The following ALMS1 variants were observed in gnomAD, a reference collection of about 807,000 sequenced individuals.
ALMS1 encodes the protein centrosome-associated protein ALMS1.
ALMS1 carries 271 observed loss-of-function variants against 352.2 expected under a neutral mutation model. The ratio of observed to expected loss-of-function variants is 0.77; its 90% CI spans 0.70 to 0.85. The LOEUF is 0.85. Ranked by LOEUF, ALMS1 falls within the 40% of genes least tolerant of loss-of-function variation. The probability of loss-of-function intolerance (pLI) is 0.00; values close to 1 mark genes in which losing one functional copy is unlikely to be tolerated. For synonymous variants in ALMS1, 1,865 were observed against 1,761.2 expected, an observed-to-expected ratio of 1.06 and a Z score of -1.48; for missense variants, 5,445 against 4,870.7, an observed-to-expected ratio of 1.12 and a Z score of -3.51.
intron 9 of ALMS1, among the ~76,000 whole-genome samples, chr2:73,473,015 G>A (rs1015154089): frequency 2.6e-5 from 4 of 152,008 alleles, no homozygotes; most frequent in South Asian, 2.1e-4. Context: ...AAGGAGATAC[G>A]GGGTGGTATA....
At chr2:73,488,508 T>C (rs563034734) in intron 9 of ALMS1, among the ~76,000 whole-genome samples, 58 of 152,234 alleles carry the variant, frequency 3.8e-4, no homozygotes, top group African/African-American at 1.3e-3. Context: ...CAGCTGTGAC[T>C]GGGCAGCTGC....
Position 73,453,679 on chromosome 2 carries a change from C to T in ALMS1, c.7152C>T (p.Ala2384=). The T allele has an allele frequency of 6.2e-7, 1 of 1,614,066 alleles. No homozygotes were observed. Among genetic ancestry groups the T allele is most frequent in the Non-Finnish European group, 8.5e-7 (1 of 1,180,006 alleles). The change falls in exon 8 of 23, where the codon GCC becomes GCT. Residue 2384 remains alanine, a synonymous_variant. Coordinates refer to ENST00000613296, the MANE Select transcript of ALMS1 (RefSeq NM_001378454.1). Reference sequence around the variant, plus strand: ...AAACTCTTAGGCAATATCAAGCAGCCAAATCTGTAATGAGGTCTGAACCTG... The same window carrying T: ...AAACTCTTAGGCAATATCAAGCAGCTAAATCTGTAATGAGGTCTGAACCTG... ...LEETLRQYQA[A]KSVMRSEPEG... is the part of the protein sequence containing the mutation.
intron 11 of ALMS1, among the ~76,000 whole-genome samples, chr2:73,525,032 A>C (rs190212894): frequency 1.2e-3 from 177 of 151,714 alleles, no homozygotes; most frequent in Non-Finnish European, 1.7e-3. Flanking sequence ...TTATATAATA[A>C]CCTCCAGTTT....
Position 73,448,493 on chromosome 2 carries a change from G to C in ALMS1, c.1966G>C (p.Glu656Gln). The C allele has an allele frequency of 6.2e-7, 1 of 1,613,930 alleles. No homozygotes were observed. The change falls in exon 8 of 23, where the codon GAG becomes CAG. Residue 656 changes from glutamate to glutamine, a missense_variant. By Grantham distance (29) the Glu-to-Gln change is conservative. Transcript: ENST00000613296. ...AGTTTCAGCTGCTCCTGGCCCAGTG[G>C]AGCAGAAGACGGGAATACCTACAGT... ...LEVSAAPGPV[E>Q]QKTGIPTVSS... is the part of the protein sequence containing the mutation.
chr2:73,426,589 G>A (rs1023742898), intron 6 of ALMS1, 36 bp downstream of exon 6: 1 of 1,596,298 alleles, frequency 6.3e-7, no homozygotes, highest in Non-Finnish European at 8.6e-7. Context: ...TAAGAAACGT[G>A]GCCTTTTTCA....
chr2:73,533,920 A>G (rs891233011), intron 11 of ALMS1, among the ~76,000 whole-genome samples: 1 of 152,222 alleles, frequency 6.6e-6, no homozygotes, highest in Non-Finnish European at 1.5e-5. Context: ...CTTTGTAAAA[A>G]GAATTTACCT....
intron 9 of ALMS1, among the ~76,000 whole-genome samples, chr2:73,477,856 T>C (rs968304211): frequency 2.0e-5 from 3 of 152,282 alleles, no homozygotes; most frequent in Non-Finnish European, 4.4e-5. Flanking sequence ...TTAGTCTTAA[T>C]TGGTTTGTCC....
Position 73,490,011 on chromosome 2 carries a change from A to G in ALMS1, c.8052A>G (p.Val2684=), listed in dbSNP as rs2103890442. ...TGGACCCTTGGCTGTCAGAATTAGT[A>G]GAACCTGCTTTTGTGCCACCTAAAG... ...EKMDPWLSEL[V]EPAFVPPKEV... is the part of the protein sequence containing the mutation. The change falls in exon 10 of 23, where the codon GTA becomes GTG. Residue 2684 remains valine (V), a synonymous_variant. Coordinates refer to ENST00000613296, the MANE Select transcript of ALMS1 (RefSeq NM_001378454.1). The G allele has an allele frequency of 2.5e-6, 4 of 1,614,270 alleles. No homozygotes were observed. The highest frequency in any genetic ancestry group is 3.4e-6 in the Non-Finnish European group (4 of 1,180,054).
At chr2:73,534,971 A>G in intron 12 of ALMS1, 22 bp downstream of exon 12, 2 of 1,613,316 alleles carry the variant, frequency 1.2e-6, no homozygotes, top group Non-Finnish European at 1.7e-6. Context: ...AAATTATTCG[A>G]AGTTTTATTG....
intron 16 of ALMS1, among the ~76,000 whole-genome samples, chr2:73,578,916 C>T (rs1464231168): frequency 2.0e-5 from 3 of 150,534 alleles, no homozygotes; most frequent in East Asian, 3.9e-4. Context: ...ATGCCTTAAG[C>T]CTTATTTCTA....
rs983255370 is a variant in ALMS1 at position 73,451,408 on chromosome 2, C to G, written c.4881C>G (p.Phe1627Leu). The G allele has an allele frequency of 6.2e-7, 1 of 1,613,996 alleles. No homozygotes were observed. Among genetic ancestry groups the G allele is most frequent in the Non-Finnish European group, 8.5e-7 (1 of 1,179,970 alleles). Residue 1627 changes from phenylalanine (F) to leucine (L), a missense_variant, in exon 8 of 23, where the codon TTC (phenylalanine) becomes TTG (leucine). Physicochemically the swap from Phe to Leu is conservative, Grantham distance 22. Transcript: ENST00000613296. ...SSALGEKPIT[F>L]YRQALLDSPL... ...CACTTGGAGAGAAGCCCATTACTTT[C>G]TACCGGCAGGCTCTGCTAGACAGTC... is the stretch of plus-strand genomic sequence containing the variant.
intron 9 of ALMS1, among the ~76,000 whole-genome samples, chr2:73,468,525 A>T (rs946671620): frequency 6.6e-6 from 1 of 152,038 alleles, no homozygotes; most frequent in Non-Finnish European, 1.5e-5. Flanking sequence ...ACTTATACCC[A>T]TTAAATAATA....
intron 9 of ALMS1, among the ~76,000 whole-genome samples, chr2:73,479,805 C>T (rs1672657717): frequency 6.6e-6 from 1 of 152,092 alleles, no homozygotes; most frequent in African/African-American, 2.4e-5. Context: ...ACACCTTTTT[C>T]CAGGGTGGTT....
chr2:73,389,231 T>A (rs1670595075), intron 1 of ALMS1, among the ~76,000 whole-genome samples: 1 of 152,214 alleles, frequency 6.6e-6, no homozygotes, highest in Non-Finnish European at 1.5e-5. Context: ...GCCGCTCGTA[T>A]GTCTTCTTTT....
At chr2:73,560,870 T>C (rs1339556995) in intron 15 of ALMS1, among the ~76,000 whole-genome samples, 3 of 152,180 alleles carry the variant, frequency 2.0e-5, no homozygotes, top group Non-Finnish European at 4.4e-5. Flanking sequence ...TTTAGGAGGA[T>C]GAGAGAGACC....
At chr2:73,467,516 T>A (rs994574829) in intron 9 of ALMS1, among the ~76,000 whole-genome samples, 2 of 152,090 alleles carry the variant, frequency 1.3e-5, no homozygotes, top group African/African-American at 4.8e-5. Flanking sequence ...GAAGGTAAAC[T>A]GGTACACAAC....
rs370381761 is a variant in ALMS1 at position 73,573,156 on chromosome 2, C to G, written c.11279C>G (p.Thr3760Ser). The G allele has an allele frequency of 1.5e-5, 25 of 1,613,656 alleles. 1 individual carries two copies. In the South Asian group the frequency reaches 2.7e-4, roughly 18 times the overall value. The change falls in exon 16 of 23, where the codon ACT becomes AGT. Residue 3760 changes from threonine to serine, a missense_variant. By Grantham distance (58) the Thr-to-Ser change is moderately conservative. Coordinates refer to ENST00000613296, the MANE Select transcript of ALMS1 (RefSeq NM_001378454.1). ...TTNILSGTTS[T>S]VESDILTQTD... ...AACATCCTTTCCGGCACCACTTCTA[C>G]TGTCGAATCAGATATATTGACCCAA... is the stretch of plus-strand genomic sequence containing the variant.
intron 3 of ALMS1, 57 bp downstream of exon 3, chr2:73,419,375 G>T: frequency 1.3e-6 from 2 of 1,534,288 alleles, no homozygotes; most frequent in Non-Finnish European, 9.0e-7. Context: ...GTTTTGCGGG[G>T]ACTGCAAGTC....
At chr2:73,385,830 C>T (rs780250336), upstream of ALMS1, 2 of 446,508 alleles carry the variant, frequency 4.5e-6, no homozygotes, top group South Asian at 2.6e-5. Context: ...CCCTCCCCCC[C>T]TCCTCCTCCT....
Sources: gnomAD v4.1 joint callset for allele counts (sites outside exome capture counted in the v4.1 genomes callset) on GRCh38, gnomAD v4.1.1 for gene constraint, MANE v1.5 for transcripts, NCBI Gene and HGNC (gene_info 2026-07-23, HGNC 2026-07-21) for gene names.